Variants in PPP3R1 observed in about 807,000 individuals in gnomAD.
PPP3R1 encodes the protein calcineurin subunit B type 1.
PPP3R1 carries 5 observed loss-of-function variants against 22.6 expected under a neutral mutation model. The observed-to-expected ratio is 0.22, with a 90% CI of 0.12 to 0.46. The LOEUF (loss-of-function observed/expected upper bound fraction) is 0.46, where lower values mean the gene tolerates loss of function less well. PPP3R1 is among the 20% of genes least tolerant of loss of function. The pLI is 0.99. For synonymous variants in PPP3R1, 56 were observed against 65.2 expected, an observed-to-expected ratio of 0.86 and a Z score of 0.68; for missense variants, 61 against 203.2, an observed-to-expected ratio of 0.30 and a Z score of 4.25.
chr2:68,229,426 G>A (rs1244203731), intron 1 of PPP3R1, among the ~76,000 whole-genome samples: 1 of 152,158 alleles, frequency 6.6e-6, no homozygotes, highest in Non-Finnish European at 1.5e-5. Context: ...CATATGTTGA[G>A]TATCTTTCTA....
chr2:68,230,950 T>A (rs1669884825), intron 1 of PPP3R1, among the ~76,000 whole-genome samples: 1 of 152,246 alleles, frequency 6.6e-6, no homozygotes, highest in Non-Finnish European at 1.5e-5. Context: ...CTTTGAGATA[T>A]CCTGGTCTGG....
At chr2:68,199,852 T>C (rs1674935795) in intron 2 of PPP3R1, among the ~76,000 whole-genome samples, 1 of 152,192 alleles carries the variant, frequency 6.6e-6, no homozygotes, top group Non-Finnish European at 1.5e-5. Context: ...TACTAAATGA[T>C]TTTTTGCACA....
intron 2 of PPP3R1, among the ~76,000 whole-genome samples, chr2:68,211,015 T>G (rs1265879476): frequency 2.0e-5 from 3 of 152,178 alleles, no homozygotes; most frequent in African/African-American, 4.8e-5. Flanking sequence ...TTTTTTGTTT[T>G]CCAGTGCATA....
chr2:68,208,507 C>A (rs1669382757), intron 2 of PPP3R1, among the ~76,000 whole-genome samples: 1 of 152,190 alleles, frequency 6.6e-6, no homozygotes, highest in African/African-American at 2.4e-5. Context: ...CAGCAGTTTA[C>A]CAATATTCCT....
At chr2:68,229,901 G>A (rs1296319500) in intron 1 of PPP3R1, among the ~76,000 whole-genome samples, 1 of 147,602 alleles carries the variant, frequency 6.8e-6, no homozygotes, top group Non-Finnish European at 1.5e-5. Flanking sequence ...TATATATACG[G>A]GTGTGTGTGT....
At chr2:68,248,863 A>G (rs1259375390) in intron 1 of PPP3R1, among the ~76,000 whole-genome samples, 1 of 151,998 alleles carries the variant, frequency 6.6e-6, no homozygotes, top group African/African-American at 2.4e-5. Context: ...TTCATATGAC[A>G]CTCATCACAT....
At chr2:68,250,228 C>A (rs1558647112) in intron 1 of PPP3R1, among the ~76,000 whole-genome samples, 1 of 151,012 alleles carries the variant, frequency 6.6e-6, no homozygotes, top group Non-Finnish European at 1.5e-5. Context: ...ACATAATGAC[C>A]TGGCAGGAAA....
intron 2 of PPP3R1, among the ~76,000 whole-genome samples, chr2:68,212,157 T>C (rs955246011): frequency 2.0e-5 from 3 of 152,200 alleles, no homozygotes; most frequent in African/African-American, 7.2e-5. Context: ...CTCTGCTCAC[T>C]GCAACCTCCA....
chr2:68,248,520 T>C (rs926361004), intron 1 of PPP3R1, among the ~76,000 whole-genome samples: 2 of 152,206 alleles, frequency 1.3e-5, no homozygotes, highest in Non-Finnish European at 2.9e-5. Context: ...TCAGCCTATA[T>C]CACAATTACC....
chr2:68,217,178 T>G lies in PPP3R1; in HGVS notation c.4-47A>C, dbSNP rs746181168. On this transcript the variant is annotated intron_variant, in intron 1 of 5. Coordinates refer to ENST00000234310, the MANE Select transcript of PPP3R1 (RefSeq NM_000945.4). ...ATTAGTCATAAAATAGGCACAAATT[T>G]GTTTAAAATATTAAACCTAAATATT... 5 of 1,392,598 alleles carry G rather than the reference T, an allele frequency of 3.6e-6. No individual in the cohort carries two copies. In the Admixed American group the frequency reaches 5.9e-5, roughly 17 times the overall value. The allele number at this position is 1,392,598 out of a possible 1,614,324, so 86.3% of individuals were successfully genotyped here.
intron 1 of PPP3R1, among the ~76,000 whole-genome samples, chr2:68,223,290 G>T (rs1051731520): frequency 6.6e-6 from 1 of 152,114 alleles, no homozygotes; most frequent in Non-Finnish European, 1.5e-5. Flanking sequence ...CAGCTACTTG[G>T]GACGCTGAGG....
At chr2:68,242,424 TA>T (rs879324913) in intron 1 of PPP3R1, among the ~76,000 whole-genome samples, 448 of 127,698 alleles carry the variant, frequency 3.5e-3, no homozygotes, top group Admixed American at 4.4e-3. Context: ...AGACTCCGTC[TA>T]AAAAAAAAAA....
intron 3 of PPP3R1, 25 bp from the exon 4 acceptor site, chr2:68,187,339 C>A (rs780874694): frequency 1.0e-5 from 16 of 1,581,038 alleles, no homozygotes; most frequent in Non-Finnish European, 1.2e-5. Flanking sequence ...AAAATGTTCA[C>A]AAATCAGAAC....
chr2:68,252,071 C>G, intron 1 of PPP3R1, 54 bp downstream of exon 1: 2 of 1,380,210 alleles, frequency 1.4e-6, no homozygotes, highest in South Asian at 1.5e-5. Flanking sequence ...CGCACCCGAC[C>G]CGGACGGCGG....
At chr2:68,222,205 C>CTGT (rs1399801995) in intron 1 of PPP3R1, among the ~76,000 whole-genome samples, 13 of 152,110 alleles carry the variant, frequency 8.5e-5, no homozygotes, top group Non-Finnish European at 1.2e-4. Context: ...TGGATGTATG[C>CTGT]TGTTGTCAGG....
chr2:68,232,457 T>C (rs1161398615), intron 1 of PPP3R1, among the ~76,000 whole-genome samples: 1 of 150,772 alleles, frequency 6.6e-6, no homozygotes, highest in Non-Finnish European at 1.5e-5. Flanking sequence ...AAAAAAATCT[T>C]ATTTAGATTT....
chr2:68,182,077 C>G lies in PPP3R1; in HGVS notation c.466-1067G>C, dbSNP rs954096527. ...AGACATCTCCCCTCCTCCAACCCCC[C>G]CCTCCCCCCACCACACACACACGAC... On this transcript the variant is annotated intron_variant, in intron 5 of 5. Coordinates refer to ENST00000234310, the MANE Select transcript of PPP3R1 (RefSeq NM_000945.4). Among the ~76,000 whole-genome samples the G allele has an allele frequency of 4.4e-4, 35 of 78,858 alleles. No homozygotes were observed. In the South Asian group the frequency reaches 0.017, roughly 39 times the overall value. The allele number at this position is 78,858 out of a possible 152,430, so 51.7% of individuals were successfully genotyped here. A position where few individuals can be genotyped will look rare whatever the true frequency, so the allele number is the denominator to read the frequency against.
intron 1 of PPP3R1, among the ~76,000 whole-genome samples, chr2:68,225,310 TGAAA>T (rs1230155635): frequency 6.6e-6 from 1 of 151,926 alleles, no homozygotes; most frequent in African/African-American, 2.4e-5. Flanking sequence ...AAGGTGAAAA[TGAAA>T]GAGTCAAAGC....
At chr2:68,210,292 AC>A (rs1669454046) in intron 2 of PPP3R1, among the ~76,000 whole-genome samples, 1 of 152,298 alleles carries the variant, frequency 6.6e-6, no homozygotes, top group African/African-American at 2.4e-5. Flanking sequence ...GGTCATCTTA[AC>A]TGGTCCTTCA....
Sources: allele counts gnomAD v4.1 joint callset (sites outside exome capture counted in the v4.1 genomes callset), GRCh38; gene constraint gnomAD v4.1.1; transcripts MANE v1.5; gene names NCBI Gene and HGNC (gene_info 2026-07-23, HGNC 2026-07-21).